CADM2: variants seen among roughly 807,000 people sequenced by gnomAD.
CADM2 encodes immunoglobulin superfamily member 4D.
In CADM2, 12 loss-of-function variants were observed where a neutral mutation model predicts 49.8. The observed-to-expected ratio is 0.24, with a 90% confidence interval of 0.15 to 0.39. The LOEUF is 0.39. Ranked by LOEUF, CADM2 falls within the 10% of genes least tolerant of loss-of-function variation. The probability of loss-of-function intolerance (pLI) is 1.00; values close to 1 mark genes in which losing one functional copy is unlikely to be tolerated. For synonymous variants in CADM2, 214 were observed against 175.4 expected (o/e 1.22, Z -1.74); for missense variants, 378 against 492.3 (o/e 0.77, Z 2.20).
intron 8 of CADM2, among the ~76,000 whole-genome samples, chr3:86,048,365 C>T (rs1382999477): frequency 6.6e-6 from 1 of 151,254 alleles, no homozygotes; most frequent in East Asian, 1.9e-4. Flanking sequence ...AGTTTATTAC[C>T]AAAGAATAAC....
intron 2 of CADM2, among the ~76,000 whole-genome samples, chr3:85,740,922 A>G (rs2068354458): frequency 6.6e-6 from 1 of 152,162 alleles, no homozygotes; most frequent in African/African-American, 2.4e-5. Flanking sequence ...TACTCACCTG[A>G]TCTAGCAGCT....
chr3:85,947,802 A>C (rs2108576801), intron 7 of CADM2, among the ~76,000 whole-genome samples: 1 of 151,696 alleles, frequency 6.6e-6, no homozygotes, highest in Admixed American at 6.6e-5. Context: ...TTGGGCACTC[A>C]ATCATTTTCA....
At chr3:85,528,014 C>G (rs2061208432) in intron 1 of CADM2, among the ~76,000 whole-genome samples, 1 of 152,188 alleles carries the variant, frequency 6.6e-6, no homozygotes, top group Admixed American at 6.5e-5. Context: ...CTGGATTTCT[C>G]AGTCTGACTC....
intron 1 of CADM2, among the ~76,000 whole-genome samples, chr3:85,555,775 C>A (rs571630281): frequency 6.6e-6 from 1 of 152,076 alleles, no homozygotes; most frequent in South Asian, 2.1e-4. Context: ...AGGCTTCACG[C>A]TTTGTCATTT....
intron 1 of CADM2, among the ~76,000 whole-genome samples, chr3:85,416,039 A>T (rs1176845639): frequency 3.3e-5 from 5 of 152,142 alleles, no homozygotes; most frequent in African/African-American, 4.8e-5. Context: ...ATCATAAAAA[A>T]TATTGAGGTT....
chr3:85,531,369 AT>A (rs1007202807), intron 1 of CADM2, among the ~76,000 whole-genome samples: 1 of 152,128 alleles, frequency 6.6e-6, no homozygotes, highest in African/African-American at 2.4e-5. Context: ...TAAGCAGTTT[AT>A]TTTTTTGACA....
chr3:85,023,757 G>A (rs1394383643), intron 1 of CADM2, among the ~76,000 whole-genome samples: 1 of 151,802 alleles, frequency 6.6e-6, no homozygotes, highest in Non-Finnish European at 1.5e-5. Flanking sequence ...TGCCTTTTTA[G>A]TTACCCATTT....
intron 1 of CADM2, among the ~76,000 whole-genome samples, chr3:85,461,624 C>T (rs557683671): frequency 1.3e-5 from 2 of 151,122 alleles, no homozygotes; most frequent in South Asian, 4.2e-4. Context: ...CACAGCAACC[C>T]CAATTCAAGT....
chr3:85,791,051 A>C (rs1326619173), intron 2 of CADM2, among the ~76,000 whole-genome samples: 2 of 152,216 alleles, frequency 1.3e-5, no homozygotes, highest in African/African-American at 2.4e-5. Flanking sequence ...AGTCTTTCAG[A>C]CAAACCTAAA....
intron 1 of CADM2, among the ~76,000 whole-genome samples, chr3:85,302,873 A>T (rs2044133120): frequency 6.6e-6 from 1 of 151,982 alleles, no homozygotes; most frequent in Non-Finnish European, 1.5e-5. Flanking sequence ...CTTGATGAAT[A>T]TTTTCATTTA....
chr3:84,961,013 G>T (rs2030456347), intron 1 of CADM2, among the ~76,000 whole-genome samples: 1 of 152,098 alleles, frequency 6.6e-6, no homozygotes, highest in Non-Finnish European at 1.5e-5. Context: ...TAGGTGACTA[G>T]ATTTTTTTTC....
rs1026813307 is a variant in CADM2 at position 85,769,655 on chromosome 3, A to G, written c.89-32392A>G. Among the ~76,000 whole-genome samples, 3 of 136,522 alleles carry G rather than the reference A, an allele frequency of 2.2e-5. No individual in the cohort carries two copies. The Admixed American group carries it at 2.3e-4, about 11-fold the overall frequency. The allele number at this position is 136,522 out of a possible 152,430, so 89.6% of individuals were successfully genotyped here. On this transcript the variant is annotated intron_variant, in intron 2 of 9. Transcript: ENST00000383699. ...TATACACATATATACATATATACAT[A>G]TATAGTATATATATACACATATATA...
chr3:85,095,178 G>A lies in CADM2; in HGVS notation c.61+135510G>A, dbSNP rs1021601501. Reference sequence around the variant, plus strand: ...AATTTATAAATGGAAAGACTGGAGAGATGGAATTTCATTCCTTTATGTTCT... The same window carrying A: ...AATTTATAAATGGAAAGACTGGAGAAATGGAATTTCATTCCTTTATGTTCT... On this transcript the variant is annotated intron_variant, in intron 1 of 9. Coordinates refer to ENST00000383699, the MANE Select transcript of CADM2 (RefSeq NM_001167675.2). 1.1e-4 allele frequency among the ~76,000 whole-genome samples: 16 copies of A among 152,200 alleles called. 1 individual carries two copies. Among genetic ancestry groups the A allele is most frequent in the Admixed American group, 9.2e-4 (14 of 15,274 alleles).
intron 1 of CADM2, among the ~76,000 whole-genome samples, chr3:85,647,259 A>T (rs2064915978): frequency 6.6e-6 from 1 of 151,820 alleles, no homozygotes; most frequent in Non-Finnish European, 1.5e-5. Flanking sequence ...ATGGTATATA[A>T]TTTGAGTTTA....
chr3:85,155,410 C>A (rs985720539), intron 1 of CADM2, among the ~76,000 whole-genome samples: 6 of 151,978 alleles, frequency 3.9e-5, no homozygotes, highest in African/African-American at 9.7e-5. Context: ...TATATATGCA[C>A]CCAATACAGG....
At chr3:85,817,170 AT>A (rs2073262287) in intron 3 of CADM2, among the ~76,000 whole-genome samples, 1 of 152,150 alleles carries the variant, frequency 6.6e-6, no homozygotes, top group Non-Finnish European at 1.5e-5. Flanking sequence ...AAGTGTGGGT[AT>A]TTTTAAGAAT....
chr3:85,105,848 A>G (rs2038201500), intron 1 of CADM2, among the ~76,000 whole-genome samples: 4 of 152,102 alleles, frequency 2.6e-5, no homozygotes, highest in Admixed American at 2.6e-4. Flanking sequence ...ACAAGAACAA[A>G]AAGCCAAACA....
In CADM2 at chr3:85,299,593, C is replaced by A. The variant is rs1042248310; in HGVS notation, c.61+339925C>A. 4.0e-5 allele frequency among the ~76,000 whole-genome samples: 6 copies of A among 151,882 alleles called. 1 individual carries two copies. Among genetic ancestry groups the A allele is most frequent in the Admixed American group, 3.9e-4 (6 of 15,214 alleles). On this transcript the variant is annotated intron_variant, in intron 1 of 9. Transcript: ENST00000383699. ...TTAAGTGTGCTAGTTTATGTGAATCCCCCTTGTGCTGGGGACTCCAAAGCT... is the reference window on the plus strand; with the variant it reads ...TTAAGTGTGCTAGTTTATGTGAATCACCCTTGTGCTGGGGACTCCAAAGCT...
intron 6 of CADM2, among the ~76,000 whole-genome samples, chr3:85,927,266 T>C (rs1719992968): frequency 6.6e-6 from 1 of 152,206 alleles, no homozygotes. Flanking sequence ...AATTACTTAA[T>C]TGAGGTCCAG....
Sources: gnomAD v4.1 joint callset for allele counts (sites outside exome capture counted in the v4.1 genomes callset) on GRCh38, gnomAD v4.1.1 for gene constraint, MANE v1.5 for transcripts, NCBI Gene and HGNC (gene_info 2026-07-23, HGNC 2026-07-21) for gene names.